Variants in CAPZA2 observed in about 807,000 individuals in gnomAD.
CAPZA2 encodes the protein F-actin-capping protein subunit alpha-2.
In CAPZA2, 13 loss-of-function variants were observed where a neutral mutation model predicts 44.0. The ratio of observed to expected loss-of-function variants is 0.30; its 90% CI spans 0.19 to 0.47. CAPZA2 has a LOEUF of 0.47. Among genes scored for constraint, CAPZA2 ranks in the 20% least tolerant of loss-of-function variants. The probability of loss-of-function intolerance (pLI) is 1.00; values close to 1 mark genes in which losing one functional copy is unlikely to be tolerated. For missense variants in CAPZA2, 244 were observed against 338.6 expected (o/e 0.72, Z 2.19); for synonymous variants, 94 against 108.2 (o/e 0.87, Z 0.81).
chr7:116,879,080 C>T (rs543062164), intron 1 of CAPZA2, among the ~76,000 whole-genome samples: 11 of 132,668 alleles, frequency 8.3e-5, no homozygotes, highest in African/African-American at 2.9e-4. Flanking sequence ...GAGCGGAGAT[C>T]GTGCCACTGC....
intron 1 of CAPZA2, among the ~76,000 whole-genome samples, chr7:116,884,937 A>G (rs187118803): frequency 2.6e-5 from 4 of 152,252 alleles, no homozygotes; most frequent in Non-Finnish European, 4.4e-5. Context: ...TTTTAGCCAT[A>G]CTATTAGGTA....
chr7:116,898,538 T>G (rs532663900), intron 3 of CAPZA2, among the ~76,000 whole-genome samples: 1 of 152,148 alleles, frequency 6.6e-6, no homozygotes, highest in African/African-American at 2.4e-5. Context: ...TTATATTTAC[T>G]GATTTAATTT....
chr7:116,905,974 T>C (rs562294986), intron 5 of CAPZA2, among the ~76,000 whole-genome samples: 1 of 152,364 alleles, frequency 6.6e-6, no homozygotes, highest in South Asian at 2.1e-4. Flanking sequence ...ATAAATTATC[T>C]ACTTATGAAA....
chr7:116,863,337 C>T (rs1796442286), intron 1 of CAPZA2, among the ~76,000 whole-genome samples: 1 of 152,176 alleles, frequency 6.6e-6, no homozygotes, highest in African/African-American at 2.4e-5. Flanking sequence ...AAAGACGACC[C>T]CCTCCCCATA....
At chr7:116,898,737 A>T in intron 3 of CAPZA2, 35 bp from the exon 4 acceptor site, 3 of 1,400,740 alleles carry the variant, frequency 2.1e-6, no homozygotes, top group Non-Finnish European at 3.0e-6. Context: ...CATTAAATAT[A>T]TAATTTTAAG....
intron 6 of CAPZA2, among the ~76,000 whole-genome samples, chr7:116,909,186 A>C (rs1484583214): frequency 6.6e-6 from 1 of 152,132 alleles, no homozygotes; most frequent in African/African-American, 2.4e-5. Flanking sequence ...AGACTTTATG[A>C]TTGGGTAGAC....
At chr7:116,887,431 G>T (rs1796777164) in intron 1 of CAPZA2, among the ~76,000 whole-genome samples, 1 of 152,062 alleles carries the variant, frequency 6.6e-6, no homozygotes, top group African/African-American at 2.4e-5. Flanking sequence ...AGGAGGCGGA[G>T]GTAGGAGGAT....
chr7:116,914,972 T>C lies in CAPZA2; in HGVS notation c.658-1088T>C, dbSNP rs1250208503. 2.0e-5 allele frequency among the ~76,000 whole-genome samples: 3 copies of C among 152,112 alleles called. No homozygotes were observed. The East Asian group carries it at 5.8e-4, about 29-fold the overall frequency. ...ATGGTGCCGTCTTGTTTGGGGAGTT[T>C]GACATTGAGCGAAGATGCTTCCTGG... On this transcript the variant is annotated intron_variant, in intron 8 of 9. Coordinates refer to ENST00000361183, the MANE Select transcript of CAPZA2 (RefSeq NM_006136.3).
intron 6 of CAPZA2, among the ~76,000 whole-genome samples, chr7:116,908,635 TA>T (rs1791547268): frequency 6.6e-6 from 1 of 152,298 alleles, no homozygotes; most frequent in East Asian, 1.9e-4. Flanking sequence ...GGTTTGGAAT[TA>T]TTTTTTTTTC....
At chr7:116,917,661 CTA>C in intron 9 of CAPZA2, 64 bp from the exon 10 acceptor site, 1 of 1,106,458 alleles carries the variant, frequency 9.0e-7, no homozygotes, top group South Asian at 1.3e-5. Flanking sequence ...CTGAAAACAT[CTA>C]TGTGCTTTAT....
chr7:116,869,237 A>G (rs1223670848), intron 1 of CAPZA2, among the ~76,000 whole-genome samples: 2 of 152,110 alleles, frequency 1.3e-5, no homozygotes, highest in African/African-American at 2.4e-5. Context: ...TCTGAAAACC[A>G]CTCTCTGACA....
In CAPZA2 at chr7:116,890,524, AAATATATATATATATATAT is replaced by A. The variant is rs1796820607; in HGVS notation, c.103+2336_103+2354del. Among the ~76,000 whole-genome samples the A allele has an allele frequency of 2.7e-4, 8 of 29,820 alleles. 1 individual carries two copies. The highest frequency in any genetic ancestry group is 4.3e-4 in the Non-Finnish European group (8 of 18,486). 19.6% of individuals were successfully genotyped at this position (29,820 alleles called of 152,430 possible). ...TGTCTCTACTTAAAAAAAAAAAAAA[AAATATATATATATATATAT>A]ATATATATATATATATATATATATA... On this transcript the variant is annotated intron_variant, in intron 2 of 9. Coordinates refer to ENST00000361183, the MANE Select transcript of CAPZA2 (RefSeq NM_006136.3).
At chr7:116,870,469 A>G (rs972441959) in intron 1 of CAPZA2, among the ~76,000 whole-genome samples, 1 of 152,210 alleles carries the variant, frequency 6.6e-6, no homozygotes, top group African/African-American at 2.4e-5. Flanking sequence ...GTGCTGTTTA[A>G]CAGCTGACTG....
chr7:116,916,255 A>G (rs1238127460), intron 9 of CAPZA2, 133 bp downstream of exon 9: 3 of 834,646 alleles, frequency 3.6e-6, no homozygotes, highest in Admixed American at 3.9e-5. Flanking sequence ...TGCTTTTAAC[A>G]CAAAGGCAGA....
chr7:116,902,912 T>TA (rs1797015068), intron 4 of CAPZA2, among the ~76,000 whole-genome samples: 1 of 152,134 alleles, frequency 6.6e-6, no homozygotes, highest in African/African-American at 2.4e-5. Context: ...GAGGTCTTAC[T>TA]ATGTTGCCCG....
intron 6 of CAPZA2, among the ~76,000 whole-genome samples, chr7:116,908,147 G>A (rs1003407058): frequency 6.6e-6 from 1 of 151,516 alleles, no homozygotes; most frequent in African/African-American, 2.4e-5. Context: ...TATAGTCCTA[G>A]CTACTTGGGA....
At chr7:116,893,468 T>G (rs1796878251) in intron 3 of CAPZA2, among the ~76,000 whole-genome samples, 1 of 152,158 alleles carries the variant, frequency 6.6e-6, no homozygotes, top group African/African-American at 2.4e-5. Context: ...ACATAGATAT[T>G]TGCACATCAA....
chr7:116,877,290 T>C (rs1444710933), intron 1 of CAPZA2, among the ~76,000 whole-genome samples: 1 of 152,240 alleles, frequency 6.6e-6, no homozygotes, highest in Non-Finnish European at 1.5e-5. Context: ...TCTTAGAGTT[T>C]TCCTTTCTGT....
chr7:116,893,066 TAACCTAACTA>T, intron 3 of CAPZA2, 21 bp downstream of exon 3: 1 of 1,481,408 alleles, frequency 6.8e-7, no homozygotes, highest in Non-Finnish European at 9.3e-7. Context: ...TTTATCATAC[TAACCTAACTA>T]AAATGACATG....
Sources: allele counts gnomAD v4.1 joint callset (sites outside exome capture counted in the v4.1 genomes callset), GRCh38; gene constraint gnomAD v4.1.1; transcripts MANE v1.5; gene names NCBI Gene and HGNC (gene_info 2026-07-23, HGNC 2026-07-21).